ACOXL: variants seen among roughly 807,000 people sequenced by gnomAD.
The protein encoded by ACOXL is acyl-coenzyme A oxidase-like protein.
Under a neutral mutation model 71.9 loss-of-function variants are expected in ACOXL, and 70 were observed. The observed-to-expected ratio is 0.97, with a 90% confidence interval of 0.80 to 1.19. The LOEUF is 1.19. Ranked by LOEUF, ACOXL falls within the 50% of genes most tolerant of loss-of-function variation. ACOXL has a pLI of 0.00. For missense variants in ACOXL, 703 were observed against 736.3 expected, an observed-to-expected ratio of 0.95 and a Z score of 0.52; for synonymous variants, 253 against 281.6, an observed-to-expected ratio of 0.90 and a Z score of 1.02.
chr2:111,022,888 G>A (rs2064836275), intron 14 of ACOXL, among the ~76,000 whole-genome samples: 1 of 152,212 alleles, frequency 6.6e-6, no homozygotes, highest in African/African-American at 2.4e-5. Context: ...AGACTCTGTG[G>A]CCTGGGAAGA....
At chr2:111,111,114 T>A (rs77004761) in intron 17 of ACOXL, among the ~76,000 whole-genome samples, 10,922 of 152,270 alleles carry the variant, frequency 0.072, 567 homozygotes, top group Non-Finnish European at 0.11. Flanking sequence ...TTATTTATTT[T>A]TTTTAAACAG....
At chr2:111,063,340 A>G (rs2066908140) in intron 16 of ACOXL, among the ~76,000 whole-genome samples, 1 of 152,200 alleles carries the variant, frequency 6.6e-6, no homozygotes, top group South Asian at 2.1e-4. Flanking sequence ...CTACAGACCA[A>G]TATACCTTAT....
At chr2:111,034,881 G>A (rs2065438122) in intron 15 of ACOXL, among the ~76,000 whole-genome samples, 2 of 152,040 alleles carry the variant, frequency 1.3e-5, no homozygotes, top group African/African-American at 4.8e-5. Context: ...AAGGAAGAAT[G>A]CATAGGAAGG....
intron 17 of ACOXL, among the ~76,000 whole-genome samples, chr2:111,103,240 A>G (rs1236487993): frequency 1.3e-5 from 2 of 152,186 alleles, no homozygotes. Context: ...GGTTGCAGTG[A>G]GCCAAGATTG....
chr2:111,028,164 G>A (rs2065100671), intron 14 of ACOXL, among the ~76,000 whole-genome samples: 1 of 151,944 alleles, frequency 6.6e-6, no homozygotes, highest in African/African-American at 2.4e-5. Flanking sequence ...AGTCAAGCCT[G>A]GGTGACAGGA....
chr2:111,020,481 G>A (rs1250681343), intron 14 of ACOXL, among the ~76,000 whole-genome samples: 2 of 152,184 alleles, frequency 1.3e-5, no homozygotes, highest in Non-Finnish European at 1.5e-5. Flanking sequence ...GTGGTGGAGG[G>A]TATTCTGGTG....
intron 13 of ACOXL, among the ~76,000 whole-genome samples, chr2:110,991,443 A>C (rs570223570): frequency 6.6e-6 from 1 of 152,076 alleles, no homozygotes; most frequent in Non-Finnish European, 1.5e-5. Context: ...TGTCTCCTAT[A>C]TTATACTTTT....
intron 12 of ACOXL, among the ~76,000 whole-genome samples, chr2:110,955,594 A>T (rs2061469176): frequency 6.6e-6 from 1 of 152,094 alleles, no homozygotes; most frequent in African/African-American, 2.4e-5. Flanking sequence ...AATCCCCAAG[A>T]TGGCTGCTGA....
chr2:110,986,706 G>T (rs1381999002), intron 12 of ACOXL, among the ~76,000 whole-genome samples: 1 of 152,168 alleles, frequency 6.6e-6, no homozygotes, highest in Non-Finnish European at 1.5e-5. Flanking sequence ...TTTTATTTGT[G>T]CATTTCAATA....
chr2:110,955,219 T>TATTAG (rs1458996200), intron 12 of ACOXL, among the ~76,000 whole-genome samples: 1 of 152,164 alleles, frequency 6.6e-6, no homozygotes, highest in African/African-American at 2.4e-5. Context: ...CTTCTAGGCG[T>TATTAG]ATTAGGCTGA....
chr2:111,000,317 T>C (rs913721899), intron 14 of ACOXL, among the ~76,000 whole-genome samples: 4 of 152,192 alleles, frequency 2.6e-5, no homozygotes, highest in Non-Finnish European at 4.4e-5. Context: ...GCAAAGGAGA[T>C]GTCCATCCCG....
At chr2:110,883,498 C>T (rs1432385987) in intron 10 of ACOXL, among the ~76,000 whole-genome samples, 3 of 152,110 alleles carry the variant, frequency 2.0e-5, no homozygotes, top group Non-Finnish European at 2.9e-5. Context: ...CTCCTGTTGG[C>T]GAGAATACTT....
At chr2:110,747,636 C>T (rs753168587) in intron 1 of ACOXL, among the ~76,000 whole-genome samples, 5 of 152,218 alleles carry the variant, frequency 3.3e-5, no homozygotes, top group East Asian at 1.9e-4. Context: ...GTCAATCAGA[C>T]GTGCCCTGGG....
intron 1 of ACOXL, among the ~76,000 whole-genome samples, chr2:110,750,472 G>A (rs1490075948): frequency 6.6e-6 from 1 of 151,724 alleles, no homozygotes; most frequent in Admixed American, 6.6e-5. Context: ...TTTGAGAACG[G>A]TATTTAGAAA....
chr2:111,053,954 C>A (rs2149848357), intron 16 of ACOXL, among the ~76,000 whole-genome samples: 1 of 152,314 alleles, frequency 6.6e-6, no homozygotes, highest in Non-Finnish European at 1.5e-5. Flanking sequence ...ATTGAAGGAG[C>A]TTTGGCTGAT....
intron 2 of ACOXL, among the ~76,000 whole-genome samples, chr2:110,772,027 G>GTT (rs1307166741): frequency 6.6e-6 from 1 of 152,204 alleles, no homozygotes; most frequent in Non-Finnish European, 1.5e-5. Context: ...AGTTGACTGA[G>GTT]TACATGTTCT....
chr2:110,912,389 A>C (rs1392330807), intron 11 of ACOXL, among the ~76,000 whole-genome samples: 1 of 152,128 alleles, frequency 6.6e-6, no homozygotes, highest in Non-Finnish European at 1.5e-5. Context: ...TGCAGTAATC[A>C]AGACAGTGTG....
intron 17 of ACOXL, chr2:111,102,126 G>A (rs2069206101): frequency 6.5e-6 from 1 of 152,684 alleles, no homozygotes; most frequent in African/African-American, 2.4e-5. Flanking sequence ...GTCCTGCTAA[G>A]AGACGAGAAA....
chr2:110,979,523 A>G (rs2062609534), intron 12 of ACOXL, among the ~76,000 whole-genome samples: 1 of 152,196 alleles, frequency 6.6e-6, no homozygotes, highest in South Asian at 2.1e-4. Context: ...AGTTTGGGCC[A>G]GAAGTCTGTG....
Sources: gnomAD v4.1 joint callset for allele counts (sites outside exome capture counted in the v4.1 genomes callset) on GRCh38, gnomAD v4.1.1 for gene constraint, MANE v1.5 for transcripts, NCBI Gene and HGNC (gene_info 2026-07-23, HGNC 2026-07-21) for gene names.